DHX29: variants seen among roughly 807,000 people sequenced by gnomAD.
The protein encoded by DHX29 is DExH-box helicase 29.
A neutral mutation model predicts 167.9 loss-of-function variants in DHX29; 79 were observed. The observed-to-expected ratio is 0.47, with a 90% CI of 0.39 to 0.57. The LOEUF (loss-of-function observed/expected upper bound fraction) is 0.57. Among genes scored for constraint, DHX29 ranks in the 20% least tolerant of loss-of-function variants. The pLI is 0.00. For synonymous variants in DHX29, 530 were observed against 546.0 expected (o/e 0.97, Z 0.41); for missense variants, 1,347 against 1,593.4 (o/e 0.85, Z 2.63).
intron 1 of DHX29, among the ~76,000 whole-genome samples, chr5:55,304,123 A>C (rs1748739322): frequency 6.6e-6 from 1 of 152,136 alleles, no homozygotes; most frequent in Non-Finnish European, 1.5e-5. Flanking sequence ...AGGAATGGAA[A>C]GAAGAAAGAA....
Position 55,274,679 on chromosome 5 carries a change from T to C in DHX29, c.2625A>G (p.Pro875=). 1.2e-6 allele frequency: 2 copies of C among 1,604,098 alleles called. No individual in the cohort carries two copies. Among genetic ancestry groups the C allele is most frequent in the African/African-American group, 1.3e-5 (1 of 74,430 alleles). ...ACAACTGCTGAATATGAGCAAGTCC[T>C]GGTAAAAAGATCAATACTGCTCCTT... ...NIEGAVLIFL[P]GLAHIQQLYD... Residue 875 remains proline (P), a synonymous_variant, in exon 16 of 27, where the codon CCA becomes CCG. Transcript: ENST00000251636.
At chr5:55,269,170 G>A (rs909443201) in intron 21 of DHX29, among the ~76,000 whole-genome samples, 18 of 150,758 alleles carry the variant, frequency 1.2e-4, no homozygotes, top group Admixed American at 9.9e-4. Flanking sequence ...CTTGAACCCC[G>A]GAGGCAGAGG....
At position 55,306,427 on chromosome 5, in the gene DHX29, C is replaced by G. The variant is rs112297513; in HGVS notation, c.187+960G>C. Among the ~76,000 whole-genome samples the G allele has an allele frequency of 2.4e-3, 363 of 152,262 alleles. 2 individuals carry two copies. Among genetic ancestry groups the G allele is most frequent in the Middle Eastern group, 0.024 (7 of 294 alleles). On this transcript the variant is annotated intron_variant, in intron 1 of 26. Coordinates refer to ENST00000251636, the MANE Select transcript of DHX29 (RefSeq NM_019030.4). ...AACTGTTACATTTCCAGACACCATCCATGATACCTGCTCATCCCGAGAAAA... is the reference window on the plus strand; with the variant it reads ...AACTGTTACATTTCCAGACACCATCGATGATACCTGCTCATCCCGAGAAAA...
intron 23 of DHX29, 24 bp from the exon 24 acceptor site, chr5:55,262,956 A>G: frequency 6.5e-7 from 1 of 1,532,918 alleles, no homozygotes; most frequent in East Asian, 2.3e-5. Context: ...TGTTAAAAAC[A>G]CAAATAATCA....
chr5:55,286,050 C>T (rs1330682804), intron 8 of DHX29, among the ~76,000 whole-genome samples, 189 bp from the exon 9 acceptor site: 1 of 151,952 alleles, frequency 6.6e-6, no homozygotes, highest in Non-Finnish European at 1.5e-5. Flanking sequence ...GTCAGGAGAT[C>T]GAGACCATCC....
intron 25 of DHX29, among the ~76,000 whole-genome samples, chr5:55,260,691 C>T (rs1746273145): frequency 6.6e-6 from 1 of 152,206 alleles, no homozygotes; most frequent in Non-Finnish European, 1.5e-5. Flanking sequence ...TAAAGCTGCA[C>T]TTAAAATTCA....
intron 23 of DHX29, among the ~76,000 whole-genome samples, chr5:55,266,459 G>A (rs1428458605): frequency 2.6e-5 from 4 of 151,324 alleles, no homozygotes; most frequent in East Asian, 1.9e-4. Context: ...ACAGGCATGC[G>A]CCACCACACC....
Position 55,307,451 on chromosome 5 carries a change from T to C in DHX29, c.123A>G (p.Pro41=). The change falls in exon 1 of 27, where the codon CCA becomes CCG. Residue 41 remains proline (P), a synonymous_variant. Coordinates refer to ENST00000251636, the MANE Select transcript of DHX29 (RefSeq NM_019030.4). ...GIAGEAQSKK[P]VSRPATAAAA... ...CGGCAGCGGTGGCCGGCCTGGACAC[T>C]GGCTTCTTGCTTTGGGCCTCCCCGG... The C allele has an allele frequency of 1.9e-6, 3 of 1,613,386 alleles. No individual in the cohort carries two copies. Among genetic ancestry groups the C allele is most frequent in the South Asian group, 1.1e-5 (1 of 91,078 alleles).
At chr5:55,276,519 T>A in intron 13 of DHX29, 113 bp from the exon 14 acceptor site, 1 of 858,426 alleles carries the variant, frequency 1.2e-6, no homozygotes. Flanking sequence ...TAATTTAGAA[T>A]ATTATGAAAA....
chr5:55,288,446 T>C (rs1040338675), intron 8 of DHX29, among the ~76,000 whole-genome samples: 2 of 151,128 alleles, frequency 1.3e-5, no homozygotes, highest in African/African-American at 4.8e-5. Context: ...CTATTTACTA[T>C]ATACTATTAT....
At position 55,276,322 on chromosome 5, in the gene DHX29, C is replaced by A. The variant is rs767875484; in HGVS notation, c.2371G>T (p.Glu791Ter). The change falls in exon 14 of 27, where the codon GAA (glutamate) becomes TAA (stop). Residue 791 changes from glutamate to a stop codon, truncating the protein, a stop_gained. Coordinates refer to ENST00000251636, the MANE Select transcript of DHX29 (RefSeq NM_019030.4). LOFTEE classifies it high-confidence loss of function. ...GTAACATTAATGGTTACTTCTTCTT[C>A]CTCTTCCAGAAATTTCTGACAATAT... ...SEYCQKFLEE[E>*]EEVTINVTSK... 1 of 1,604,350 alleles carries A rather than the reference C, an allele frequency of 6.2e-7. No individual in the cohort carries two copies.
intron 25 of DHX29, among the ~76,000 whole-genome samples, chr5:55,260,470 A>C (rs986112951): frequency 6.6e-6 from 1 of 151,244 alleles, no homozygotes; most frequent in Non-Finnish European, 1.5e-5. Context: ...TGACCTCATG[A>C]TCCACCTGCC....
At chr5:55,262,504 A>T in intron 24 of DHX29, 126 bp downstream of exon 24, 1 of 1,249,868 alleles carries the variant, frequency 8.0e-7, no homozygotes. Context: ...TTGATTTCAA[A>T]TATTAACAAA....
intron 17 of DHX29, among the ~76,000 whole-genome samples, chr5:55,273,013 G>A (rs758414151): frequency 3.3e-5 from 5 of 151,710 alleles, no homozygotes; most frequent in Non-Finnish European, 7.4e-5. Context: ...AAAAAGTTGT[G>A]ACTTTTTTTC....
chr5:55,282,542 T>C (rs1405721023), intron 11 of DHX29, among the ~76,000 whole-genome samples: 1 of 152,188 alleles, frequency 6.6e-6, no homozygotes, highest in Non-Finnish European at 1.5e-5. Flanking sequence ...AAAAATATAA[T>C]ATGCCATCTC....
At chr5:55,263,610 T>C (rs1305957711) in intron 23 of DHX29, among the ~76,000 whole-genome samples, 2 of 151,714 alleles carry the variant, frequency 1.3e-5, no homozygotes, top group Non-Finnish European at 1.5e-5. Context: ...ACAGCTGCCA[T>C]AACACCACAG....
chr5:55,277,075 T>G, intron 13 of DHX29, 31 bp downstream of exon 13: 1 of 1,525,194 alleles, frequency 6.6e-7, no homozygotes, highest in Non-Finnish European at 8.9e-7. Context: ...ATGCAGTTTC[T>G]GCTTATACAC....
chr5:55,277,997 A>G (rs1747210201), intron 12 of DHX29, among the ~76,000 whole-genome samples: 1 of 152,092 alleles, frequency 6.6e-6, no homozygotes, highest in South Asian at 2.1e-4. Flanking sequence ...CTAATATAAA[A>G]CTATACTGTC....
At chr5:55,279,455 G>A (rs1343390171) in intron 12 of DHX29, 2 of 152,070 alleles carry the variant, frequency 1.3e-5, no homozygotes, top group African/African-American at 2.4e-5. Flanking sequence ...TCTAATGGAT[G>A]GCATAGATCT....
Sources: allele counts gnomAD v4.1 joint callset (sites outside exome capture counted in the v4.1 genomes callset), GRCh38; gene constraint gnomAD v4.1.1; transcripts MANE v1.5; gene names NCBI Gene and HGNC (gene_info 2026-07-23, HGNC 2026-07-21).